Variants in ATF7IP observed in about 807,000 individuals in gnomAD.
The protein encoded by ATF7IP is activating transcription factor 7 interacting protein, also known as activating transcription factor 7-interacting protein 1.
Under a neutral mutation model 106.4 loss-of-function variants are expected in ATF7IP, and 23 were observed. The ratio of observed to expected loss-of-function variants is 0.22; its 90% confidence interval spans 0.16 to 0.31. ATF7IP has a LOEUF of 0.31. ATF7IP is among the 10% of genes least tolerant of loss of function. The pLI is 1.00. For synonymous variants in ATF7IP, 542 were observed against 539.0 expected, an observed-to-expected ratio of 1.01 and a Z score of -0.08; for missense variants, 1,334 against 1,524.3, an observed-to-expected ratio of 0.88 and a Z score of 2.08.
chr12:14,433,665 A>T (rs1160546463), intron 2 of ATF7IP, among the ~76,000 whole-genome samples: 2 of 151,582 alleles, frequency 1.3e-5, no homozygotes, highest in Non-Finnish European at 2.9e-5. Context: ...AGCGAAACTC[A>T]GTCTCAAAAA....
rs1941681698 is a variant in ATF7IP, at chr12:14,423,933, A to G, written c.18A>G (p.Glu6=). Residue 6 remains glutamate (E), a synonymous_variant, in exon 2 of 15, where the codon GAA becomes GAG. Transcript: ENST00000261168. ...GATTCAGAATGGACAGTTTAGAAGAACCTCAGAAAAAAGTCTTTAAGGCTC... is the reference window on the plus strand; with the variant it reads ...GATTCAGAATGGACAGTTTAGAAGAGCCTCAGAAAAAAGTCTTTAAGGCTC... MDSLE[E]PQKKVFKARK... 1.9e-6 allele frequency: 3 copies of G among 1,603,350 alleles called. No individual in the cohort carries two copies. The highest frequency in any genetic ancestry group is 1.1e-5 in the South Asian group (1 of 88,812).
chr12:14,410,116 C>T (rs1940826968), intron 1 of ATF7IP, among the ~76,000 whole-genome samples: 1 of 152,136 alleles, frequency 6.6e-6, no homozygotes, highest in South Asian at 2.1e-4. Flanking sequence ...AATTGGTAAG[C>T]CACTTTCTGT....
At chr12:14,388,880 T>A (rs997645230) in intron 1 of ATF7IP, among the ~76,000 whole-genome samples, 2 of 152,210 alleles carry the variant, frequency 1.3e-5, no homozygotes, top group Non-Finnish European at 2.9e-5. Flanking sequence ...CCTCAAGTGA[T>A]CTGACCACCT....
chr12:14,405,848 A>G (rs934258458), intron 1 of ATF7IP, among the ~76,000 whole-genome samples: 5 of 152,120 alleles, frequency 3.3e-5, no homozygotes, highest in African/African-American at 1.2e-4. Flanking sequence ...TAGTTGCTAT[A>G]CTAATTGTTC....
In ATF7IP at chr12:14,498,719, A is replaced by G. The variant is rs1408722229; in HGVS notation, c.*646A>G. The G allele has an allele frequency of 1.3e-5, 2 of 152,646 alleles. No individual in the cohort carries two copies. Among genetic ancestry groups the G allele is most frequent in the Admixed American group, 6.5e-5 (1 of 15,284 alleles). 9.5% of individuals were successfully genotyped at this position (152,646 alleles called of 1,614,324 possible). ...TTATTTTGTGCCTTAAAGATTAACT[A>G]CAAAGATAAACATGGCCAAAAATAA... On this transcript the variant is annotated 3_prime_UTR_variant, in exon 15 of 15. Transcript: ENST00000261168.
At chr12:14,450,401 A>G (rs988357199) in intron 6 of ATF7IP, among the ~76,000 whole-genome samples, 3 of 152,070 alleles carry the variant, frequency 2.0e-5, no homozygotes, top group South Asian at 2.1e-4. Context: ...AATTTTGTCA[A>G]GTTCTTTTGC....
At chr12:14,490,708 T>C (rs1410437211) in intron 13 of ATF7IP, among the ~76,000 whole-genome samples, 1 of 152,118 alleles carries the variant, frequency 6.6e-6, no homozygotes, top group Non-Finnish European at 1.5e-5. Flanking sequence ...TGGTGCAGGC[T>C]GGGGAAGACA....
chr12:14,494,332 T>TTC (rs1555142215), intron 13 of ATF7IP, among the ~76,000 whole-genome samples: 13 of 115,762 alleles, frequency 1.1e-4, no homozygotes, highest in Non-Finnish European at 2.0e-4. Flanking sequence ...TATATATATA[T>TTC]ATGTGTGTGT....
intron 10 of ATF7IP, among the ~76,000 whole-genome samples, chr12:14,472,224 C>A (rs1229850746): frequency 6.6e-6 from 1 of 152,012 alleles, no homozygotes; most frequent in African/African-American, 2.4e-5. Flanking sequence ...AGTAAGCATC[C>A]TTATCTATTG....
At position 14,497,825 on chromosome 12, in the gene ATF7IP, A is replaced by G; in HGVS notation, c.3565A>G (p.Ser1189Gly). ...LSWSVLEVDR[S>G]CATVDSYHLY... ...ATGGAGTGTCCTGGAGGTGGATCGA[A>G]GCTGTGCCACTGTTGATAGCTACCA... Residue 1189 changes from serine (S) to glycine (G), a missense_variant, in exon 15 of 15, where the codon AGC (serine) becomes GGC (glycine). This residue lies in a region of ATF7IP where 80 missense variants were observed against 157.0 expected (regional missense o/e 0.51). Coordinates refer to ENST00000261168, the MANE Select transcript of ATF7IP (RefSeq NM_018179.5). The G allele has an allele frequency of 6.2e-7, 1 of 1,614,152 alleles. No homozygotes were observed. Among genetic ancestry groups the G allele is most frequent in the Non-Finnish European group, 8.5e-7 (1 of 1,180,020 alleles).
intron 1 of ATF7IP, among the ~76,000 whole-genome samples, chr12:14,415,694 T>TTG (rs1555115263): frequency 6.6e-6 from 1 of 151,228 alleles, no homozygotes; most frequent in African/African-American, 2.4e-5. Context: ...ACTTACTGTT[T>TTG]TTTTTTTTTT....
intron 13 of ATF7IP, among the ~76,000 whole-genome samples, chr12:14,493,314 T>G (rs1443351506): frequency 6.6e-6 from 1 of 152,220 alleles, no homozygotes; most frequent in African/African-American, 2.4e-5. Context: ...TCTCTGAGTG[T>G]AGCATACCTC....
At chr12:14,447,793 A>G (rs1943041355) in intron 6 of ATF7IP, among the ~76,000 whole-genome samples, 1 of 152,032 alleles carries the variant, frequency 6.6e-6, no homozygotes. Flanking sequence ...GTCCTCTTTT[A>G]TGCTTTAATT....
intron 13 of ATF7IP, 64 bp from the exon 14 acceptor site, chr12:14,496,167 A>G: frequency 9.7e-7 from 1 of 1,026,068 alleles, no homozygotes; most frequent in Non-Finnish European, 1.5e-6. Context: ...ATATTTAATC[A>G]GTTTTCCACC....
chr12:14,411,081 A>G (rs907846058), intron 1 of ATF7IP, among the ~76,000 whole-genome samples: 5 of 152,208 alleles, frequency 3.3e-5, no homozygotes, highest in East Asian at 3.8e-4. Context: ...TAGTGCTTCT[A>G]TAAAGCATTT....
chr12:14,479,591 A>G (rs751012293), intron 12 of ATF7IP, among the ~76,000 whole-genome samples: 1 of 152,190 alleles, frequency 6.6e-6, no homozygotes, highest in Non-Finnish European at 1.5e-5. Flanking sequence ...GTGATTTAGC[A>G]AACTATTTGT....
rs377720948 is a variant in ATF7IP, at chr12:14,441,283, A to G, written c.1929+3016A>G. On this transcript the variant is annotated intron_variant, in intron 5 of 14. Coordinates refer to ENST00000261168, the MANE Select transcript of ATF7IP (RefSeq NM_018179.5). ...TTTATTATTATAGCATCTGAATGGTATGAAGTGGTATCTCATTAGGGTTTT... is the reference window on the plus strand; with the variant it reads ...TTTATTATTATAGCATCTGAATGGTGTGAAGTGGTATCTCATTAGGGTTTT... Among the ~76,000 whole-genome samples the G allele has an allele frequency of 5.1e-4, 78 of 152,192 alleles. 1 individual carries two copies. Among genetic ancestry groups the G allele is most frequent in the African/African-American group, 1.7e-3 (72 of 41,516 alleles).
At chr12:14,475,338 G>C (rs1944220914) in intron 10 of ATF7IP, among the ~76,000 whole-genome samples, 1 of 152,178 alleles carries the variant, frequency 6.6e-6, no homozygotes, top group African/African-American at 2.4e-5. Context: ...TTTGGTTGCT[G>C]TCATGTGGTT....
At chr12:14,474,123 G>C (rs1247025909) in intron 10 of ATF7IP, among the ~76,000 whole-genome samples, 1 of 151,244 alleles carries the variant, frequency 6.6e-6, no homozygotes, top group Non-Finnish European at 1.5e-5. Flanking sequence ...TCTCATTTAG[G>C]GTTTTGCTGA....
Sources: allele counts gnomAD v4.1 joint callset (sites outside exome capture counted in the v4.1 genomes callset), GRCh38; gene constraint gnomAD v4.1.1; regional missense constraint gnomAD v4.1.1; transcripts MANE v1.5; gene names NCBI Gene and HGNC (gene_info 2026-07-23, HGNC 2026-07-21).